ZSWIM7: variants seen among roughly 807,000 people sequenced by gnomAD.
ZSWIM7 encodes zinc finger SWIM domain-containing protein 7.
ZSWIM7 carries 22 observed loss-of-function variants against 21.1 expected under a neutral mutation model. That is an observed-to-expected ratio of 1.04 (90% confidence interval 0.74 to 1.49). The LOEUF (loss-of-function observed/expected upper bound fraction) is 1.49. Among genes scored for constraint, ZSWIM7 ranks in the 40% most tolerant of loss-of-function variants. ZSWIM7 has a pLI of 0.00. For synonymous variants in ZSWIM7, 67 were observed against 66.5 expected, an observed-to-expected ratio of 1.01 and a Z score of -0.04; for missense variants, 193 against 168.0, an observed-to-expected ratio of 1.15 and a Z score of -0.82.
intron 1 of ZSWIM7, among the ~76,000 whole-genome samples, chr17:15,998,163 AC>A (rs1250681584): frequency 1.3e-5 from 2 of 152,152 alleles, no homozygotes; most frequent in Non-Finnish European, 2.9e-5. Context: ...CAGACACAGA[AC>A]AGTTCTGGCG....
At chr17:15,985,101 T>TGAGACCAGCCTG (rs1970393869) in intron 3 of ZSWIM7, among the ~76,000 whole-genome samples, 1 of 152,136 alleles carries the variant, frequency 6.6e-6, no homozygotes, top group Admixed American at 6.6e-5. Context: ...GTCAGGAGTT[T>TGAGACCAGCCTG]GAGACCAGCC....
intron 3 of ZSWIM7, among the ~76,000 whole-genome samples, chr17:15,981,479 A>G (rs1296134467): frequency 2.9e-5 from 4 of 139,812 alleles, no homozygotes; most frequent in Non-Finnish European, 5.9e-5. Context: ...GGGGGGGGGG[A>G]ATCTCTCATC....
Position 15,999,651 on chromosome 17 carries a change from T to A in ZSWIM7, c.-57A>T, listed in dbSNP as rs1483174189. 2.1e-5 allele frequency: 33 copies of A among 1,563,996 alleles called. No individual in the cohort carries two copies. Among genetic ancestry groups the A allele is most frequent in the Non-Finnish European group, 2.6e-5 (30 of 1,155,496 alleles). ...GGACCGCCGCGACGCTCCAGCTGAC[T>A]GCGCCTACCTGTGGAGGATCCTGAC... On this transcript the variant is annotated 5_prime_UTR_variant, in exon 1 of 5. Transcript: ENST00000399277.
chr17:15,999,356 T>C (rs1476314095), intron 1 of ZSWIM7, 163 bp downstream of exon 1: 1 of 957,072 alleles, frequency 1.0e-6, no homozygotes, highest in Admixed American at 2.3e-5. Context: ...CGCTTTTTTG[T>C]TGTTTTGTTT....
At position 15,999,621 on chromosome 17, in the gene ZSWIM7, C is replaced by T. The variant is rs753948825; in HGVS notation, c.-27G>A. On this transcript the variant is annotated 5_prime_UTR_variant, in exon 1 of 5. Transcript: ENST00000399277. ...GCGCCGCAGGACACGCCCTCCACGA[C>T]CGGCGGACCGCCGCGACGCTCCAGC... The T allele has an allele frequency of 7.7e-6, 12 of 1,566,262 alleles. No homozygotes were observed. Among genetic ancestry groups the T allele is most frequent in the South Asian group, 7.0e-5 (6 of 85,904 alleles).
intron 2 of ZSWIM7, among the ~76,000 whole-genome samples, chr17:15,988,104 AAC>A (rs1970438147): frequency 6.6e-6 from 1 of 152,154 alleles, no homozygotes; most frequent in African/African-American, 2.4e-5. Flanking sequence ...ATACATAACA[AAC>A]ACACGTGCAT....
chr17:15,990,057 AAAAATAC>A (rs1394615633), intron 2 of ZSWIM7, among the ~76,000 whole-genome samples: 2 of 151,942 alleles, frequency 1.3e-5, no homozygotes, highest in African/African-American at 4.8e-5. Context: ...CGTCTCTACT[AAAAATAC>A]AAAAAATTAG....
At chr17:15,992,367 AATG>A (rs1275838692) in intron 2 of ZSWIM7, among the ~76,000 whole-genome samples, 5 of 151,934 alleles carry the variant, frequency 3.3e-5, no homozygotes, top group East Asian at 1.9e-4. Context: ...AACTGCAAAT[AATG>A]ATAATTGTCT....
chr17:15,983,790 T>C (rs1294748134), intron 3 of ZSWIM7, among the ~76,000 whole-genome samples: 2 of 152,144 alleles, frequency 1.3e-5, no homozygotes, highest in African/African-American at 4.8e-5. Flanking sequence ...TTTTGCCATG[T>C]TGGCCAGGCT....
rs776557650 is a variant in ZSWIM7 at position 15,992,239 on chromosome 17, TGTAA to T, written c.98+1514_98+1517del. Among the ~76,000 whole-genome samples the T allele has an allele frequency of 8.5e-5, 13 of 152,250 alleles. No homozygotes were observed. In the South Asian group the frequency reaches 2.7e-3, roughly 32 times the overall value. On this transcript the variant is annotated intron_variant, in intron 2 of 4. Coordinates refer to ENST00000399277, the MANE Select transcript of ZSWIM7 (RefSeq NM_001042697.2). Reference sequence around the variant, plus strand: ...ACCGCACCTGGCCAGGATTTTTAAATGTAAGTGTGTATCAGTAATTAAGTATTAC... The same window carrying T: ...ACCGCACCTGGCCAGGATTTTTAAATGTGTGTATCAGTAATTAAGTATTAC...
At chr17:15,989,903 T>C (rs925888421) in intron 2 of ZSWIM7, among the ~76,000 whole-genome samples, 6 of 152,110 alleles carry the variant, frequency 3.9e-5, no homozygotes, top group African/African-American at 1.4e-4. Context: ...CCACCATGCC[T>C]GGCCAAAATT....
rs1293947298 is a variant in ZSWIM7 at position 15,987,310 on chromosome 17, ACTGT to A, written c.153_156del (p.Gln52ProfsTer4). 4 of 1,613,692 alleles carry A rather than the reference ACTGT, an allele frequency of 2.5e-6. No homozygotes were observed. The African/African-American group carries it at 5.3e-5, about 22-fold the overall frequency. On this transcript the variant is annotated frameshift_variant, in exon 3 of 5. Transcript: ENST00000399277. LOFTEE classifies it high-confidence loss of function. Reference sequence around the variant, plus strand: ...CTGGGTGATGAGATTAAGGTGATGGACTGTCGATCAACTAGGTCCAAGGCCTGGG... The same window carrying A: ...CTGGGTGATGAGATTAAGGTGATGGACGATCAACTAGGTCCAAGGCCTGGG...
rs577582913 is a variant in ZSWIM7 at position 15,979,468 on chromosome 17, ATT to A, written c.307-1307_307-1306del. ...CTGCTTTCTATTCCACAAAACCGCC[ATT>A]GTCATCATGGCCCGCTCTCAATGAG... On this transcript the variant is annotated intron_variant, in intron 4 of 4. Transcript: ENST00000399277. Among the ~76,000 whole-genome samples, 1,229 of 152,256 alleles carry A rather than the reference ATT, an allele frequency of 8.1e-3. 16 individuals carry two copies. Among genetic ancestry groups the A allele is most frequent in the African/African-American group, 0.028 (1,181 of 41,536 alleles).
chr17:15,979,798 ACCC>A (rs1308160071), intron 4 of ZSWIM7, among the ~76,000 whole-genome samples: 3 of 72,430 alleles, frequency 4.1e-5, no homozygotes, highest in Admixed American at 1.5e-4. Flanking sequence ...CGGGGGGCTG[ACCC>A]CCCCACCTCC....
intron 3 of ZSWIM7, among the ~76,000 whole-genome samples, chr17:15,982,110 A>G (rs1970362719): frequency 6.6e-6 from 1 of 152,166 alleles, no homozygotes; most frequent in Admixed American, 6.5e-5. Flanking sequence ...GGACACTGAT[A>G]CATAGTGGGT....
rs111945001 is a variant in ZSWIM7 at position 15,981,468 on chromosome 17, T to TG, written c.202-325dup. On this transcript the variant is annotated intron_variant, in intron 3 of 4. Coordinates refer to ENST00000399277, the MANE Select transcript of ZSWIM7 (RefSeq NM_001042697.2). Reference sequence around the variant, plus strand: ...TGGGCTGACTGTAATAAGAAGGAAGTGGGGGGGGGGAATCTCTCATCTACA... The same window carrying TG: ...TGGGCTGACTGTAATAAGAAGGAAGTGGGGGGGGGGGAATCTCTCATCTACA... Among the ~76,000 whole-genome samples, 582 of 142,612 alleles carry TG rather than the reference T, an allele frequency of 4.1e-3. 5 individuals are homozygous for TG. The highest frequency in any genetic ancestry group is 0.011 in the African/African-American group (400 of 37,490). 93.6% of individuals were successfully genotyped at this position (142,612 alleles called of 152,430 possible).
At chr17:15,998,349 TTGAC>T (rs1204359393) in intron 1 of ZSWIM7, among the ~76,000 whole-genome samples, 2 of 152,206 alleles carry the variant, frequency 1.3e-5, no homozygotes, top group Non-Finnish European at 2.9e-5. Context: ...CTCCTTAATT[TTGAC>T]TGAGATGAGG....
chr17:15,979,918 C>T (rs1272711681), intron 4 of ZSWIM7, among the ~76,000 whole-genome samples: 3 of 90,476 alleles, frequency 3.3e-5, no homozygotes, highest in African/African-American at 1.1e-4. Context: ...CTGAACCCCC[C>T]ACCTCCCTCC....
intron 2 of ZSWIM7, among the ~76,000 whole-genome samples, chr17:15,991,857 G>A (rs997153328): frequency 4.6e-5 from 7 of 151,700 alleles, no homozygotes; most frequent in African/African-American, 1.7e-4. Flanking sequence ...ATAGCTCACT[G>A]CAGCCTGGAA....
Sources: gnomAD v4.1 joint callset for allele counts (sites outside exome capture counted in the v4.1 genomes callset) on GRCh38, gnomAD v4.1.1 for gene constraint, MANE v1.5 for transcripts, NCBI Gene and HGNC (gene_info 2026-07-23, HGNC 2026-07-21) for gene names.